NKAIN2: variants seen among roughly 807,000 people sequenced by gnomAD.
The protein encoded by NKAIN2 is sodium/potassium transporting ATPase interacting 2, also known as sodium/potassium-transporting ATPase subunit beta-1-interacting protein 2.
A neutral mutation model predicts 32.6 loss-of-function variants in NKAIN2; 14 were observed. The ratio of observed to expected loss-of-function variants is 0.43; its 90% CI spans 0.28 to 0.67. The LOEUF (loss-of-function observed/expected upper bound fraction) is 0.67. Ranked by LOEUF, NKAIN2 falls within the 30% of genes least tolerant of loss-of-function variation. The pLI, the probability that NKAIN2 is intolerant of heterozygous loss-of-function variation, is 0.17. For missense variants in NKAIN2, 198 were observed against 258.3 expected, an observed-to-expected ratio of 0.77 and a Z score of 1.60; for synonymous variants, 80 against 87.2, an observed-to-expected ratio of 0.92 and a Z score of 0.46.
chr6:123,843,826 T>A (rs947302720), intron 1 of NKAIN2, among the ~76,000 whole-genome samples: 22 of 152,108 alleles, frequency 1.4e-4, no homozygotes, highest in African/African-American at 5.1e-4. Flanking sequence ...AAGGTTGTCT[T>A]ATGATGCAGC....
At chr6:123,988,837 A>G (rs571523055) in intron 1 of NKAIN2, among the ~76,000 whole-genome samples, 18 of 151,896 alleles carry the variant, frequency 1.2e-4, no homozygotes, top group Admixed American at 3.3e-4. Flanking sequence ...GTTTGTAGTA[A>G]AACTGAATTA....
intron 3 of NKAIN2, among the ~76,000 whole-genome samples, chr6:124,499,992 A>G (rs960407195): frequency 6.6e-6 from 1 of 152,188 alleles, no homozygotes; most frequent in Admixed American, 6.5e-5. Flanking sequence ...AAAATAGTCC[A>G]TGTGCAATAA....
chr6:124,169,999 C>T (rs978092614), intron 1 of NKAIN2, among the ~76,000 whole-genome samples: 1 of 152,112 alleles, frequency 6.6e-6, no homozygotes, highest in Non-Finnish European at 1.5e-5. Flanking sequence ...TCCTTCCCAA[C>T]AGTAGCCACA....
intron 1 of NKAIN2, among the ~76,000 whole-genome samples, chr6:124,007,451 A>AT (rs2114726490): frequency 6.6e-6 from 1 of 152,290 alleles, no homozygotes; most frequent in Admixed American, 6.5e-5. Context: ...AAGTATGAAT[A>AT]TTTTTGTCAA....
At chr6:124,415,647 C>G (rs971501580) in intron 3 of NKAIN2, among the ~76,000 whole-genome samples, 2 of 152,058 alleles carry the variant, frequency 1.3e-5, no homozygotes, top group African/African-American at 4.8e-5. Context: ...AGTCTCAATC[C>G]TCTATTCCTT....
intron 3 of NKAIN2, among the ~76,000 whole-genome samples, chr6:124,648,294 G>T (rs1784249060): frequency 6.6e-6 from 1 of 152,046 alleles, no homozygotes; most frequent in African/African-American, 2.4e-5. Context: ...TGAAATAGAG[G>T]TGCTATCATT....
At chr6:124,060,074 T>A (rs1391191803) in intron 1 of NKAIN2, among the ~76,000 whole-genome samples, 1 of 152,136 alleles carries the variant, frequency 6.6e-6, no homozygotes, top group Non-Finnish European at 1.5e-5. Flanking sequence ...TCTTTGTACT[T>A]AGTACAACAT....
At chr6:124,622,626 G>A (rs1783149732) in intron 3 of NKAIN2, among the ~76,000 whole-genome samples, 1 of 152,144 alleles carries the variant, frequency 6.6e-6, no homozygotes, top group African/African-American at 2.4e-5. Context: ...TCACATTCGG[G>A]CTTAAAGGAT....
At chr6:123,971,661 T>C (rs1198903818) in intron 1 of NKAIN2, among the ~76,000 whole-genome samples, 1 of 152,152 alleles carries the variant, frequency 6.6e-6, no homozygotes, top group Non-Finnish European at 1.5e-5. Context: ...TACACAGCCA[T>C]TGGATATACA....
intron 2 of NKAIN2, among the ~76,000 whole-genome samples, chr6:124,288,405 G>T (rs1368117879): frequency 6.6e-6 from 1 of 152,126 alleles, no homozygotes; most frequent in Non-Finnish European, 1.5e-5. Flanking sequence ...ATTTCCAGAG[G>T]ATTTAGATTT....
At chr6:124,090,908 C>A (rs1784389012) in intron 1 of NKAIN2, among the ~76,000 whole-genome samples, 1 of 151,828 alleles carries the variant, frequency 6.6e-6, no homozygotes, top group Admixed American at 6.6e-5. Context: ...TATGCTGGGC[C>A]CATAGGAAGC....
At chr6:124,044,339 GGAA>G (rs1179932502) in intron 1 of NKAIN2, among the ~76,000 whole-genome samples, 3 of 152,026 alleles carry the variant, frequency 2.0e-5, no homozygotes, top group African/African-American at 7.2e-5. Context: ...TAAAAACTGT[GGAA>G]TGTTTTCCAC....
chr6:124,348,355 T>A (rs1451373438), intron 2 of NKAIN2, among the ~76,000 whole-genome samples: 1 of 152,192 alleles, frequency 6.6e-6, no homozygotes, highest in Non-Finnish European at 1.5e-5. Context: ...ACCACTGCTC[T>A]CCTCAAAGCT....
chr6:124,430,418 G>C (rs1775165745), intron 3 of NKAIN2, among the ~76,000 whole-genome samples: 1 of 152,150 alleles, frequency 6.6e-6, no homozygotes, highest in Non-Finnish European at 1.5e-5. Context: ...GAGGTTGACT[G>C]GGTTCAGCTT....
chr6:124,413,285 C>T (rs767913786), intron 3 of NKAIN2, among the ~76,000 whole-genome samples: 4 of 152,092 alleles, frequency 2.6e-5, no homozygotes, highest in Admixed American at 6.5e-5. Flanking sequence ...TAAGAATTGA[C>T]GTTCATTCTT....
chr6:124,677,941 T>C (rs1412414324), intron 4 of NKAIN2, among the ~76,000 whole-genome samples: 1 of 152,134 alleles, frequency 6.6e-6, no homozygotes, highest in Non-Finnish European at 1.5e-5. Flanking sequence ...TCCAGGAATG[T>C]CTTCTTTTTC....
At chr6:124,444,039 T>C (rs1478802716) in intron 3 of NKAIN2, among the ~76,000 whole-genome samples, 2 of 152,066 alleles carry the variant, frequency 1.3e-5, no homozygotes, top group East Asian at 3.9e-4. Context: ...AAGTAATATT[T>C]ATTTTACTGA....
intron 1 of NKAIN2, among the ~76,000 whole-genome samples, chr6:124,222,060 T>C (rs1269267846): frequency 6.6e-6 from 1 of 152,172 alleles, no homozygotes; most frequent in African/African-American, 2.4e-5. Flanking sequence ...TTTCACCTTC[T>C]ACCTATCCCG....
At chr6:124,513,550 T>C (rs539925501) in intron 3 of NKAIN2, among the ~76,000 whole-genome samples, 13 of 152,258 alleles carry the variant, frequency 8.5e-5, no homozygotes, top group Admixed American at 8.5e-4. Context: ...ACCATTCCAA[T>C]GTAAGCAGCA....
Sources: allele counts gnomAD v4.1 joint callset (sites outside exome capture counted in the v4.1 genomes callset), GRCh38; gene constraint gnomAD v4.1.1; transcripts MANE v1.5; gene names NCBI Gene and HGNC (gene_info 2026-07-23, HGNC 2026-07-21).